The following GRM1 variants were observed in gnomAD, a reference collection of about 807,000 sequenced individuals.
GRM1 encodes glutamate metabotropic receptor 1, also known as metabotropic glutamate receptor 1.
A neutral mutation model predicts 90.9 loss-of-function variants in GRM1; 33 were observed. The observed-to-expected ratio is 0.36, with a 90% CI of 0.28 to 0.49. The LOEUF (loss-of-function observed/expected upper bound fraction) is 0.49. GRM1 is among the 20% of genes least tolerant of loss of function. The pLI is 0.99. For synonymous variants in GRM1, 700 were observed against 613.2 expected (o/e 1.14, Z -2.09); for missense variants, 1,190 against 1,534.3 (o/e 0.78, Z 3.75).
rs1177716678 is a variant in GRM1 at position 146,437,174 on chromosome 6, T to G, written c.*2378T>G. ...TCTCTTTATTAGTGAATCATGCTTA[T>G]TTTTTACTCTTAATGCCACTAATAT... On this transcript the variant is annotated 3_prime_UTR_variant, in exon 8 of 8. Coordinates refer to ENST00000282753, the MANE Select transcript of GRM1 (RefSeq NM_001278064.2). 1 of 152,196 alleles carries G rather than the reference T, an allele frequency of 6.6e-6. No individual in the cohort carries two copies. Among genetic ancestry groups the G allele is most frequent in the African/African-American group, 2.4e-5 (1 of 41,470 alleles). The allele number at this position is 152,196 out of a possible 1,614,324, so 9.4% of individuals were successfully genotyped here. A position where few individuals can be genotyped will look rare whatever the true frequency, so the allele number is the denominator to read the frequency against.
intron 7 of GRM1, chr6:146,426,657 C>A: frequency 8.1e-7 from 1 of 1,240,104 alleles, no homozygotes; most frequent in Non-Finnish European, 1.2e-6. Context: ...AGAGAAGCTG[C>A]ATGGAAAATC....
At chr6:146,297,484 A>T (rs912146609) in intron 2 of GRM1, among the ~76,000 whole-genome samples, 28 of 152,182 alleles carry the variant, frequency 1.8e-4, no homozygotes, top group South Asian at 1.5e-3. Context: ...ATTTTTTTTT[A>T]AATATTCTAC....
At chr6:146,325,803 A>G (rs572481414) in intron 3 of GRM1, among the ~76,000 whole-genome samples, 7 of 152,228 alleles carry the variant, frequency 4.6e-5, no homozygotes, top group African/African-American at 1.4e-4. Flanking sequence ...AGCTTTTATA[A>G]TTTTATCTTC....
At chr6:146,034,880 AAATAAC>A (rs1195827300) in intron 1 of GRM1, among the ~76,000 whole-genome samples, 6 of 152,150 alleles carry the variant, frequency 3.9e-5, no homozygotes, top group African/African-American at 1.2e-4. Context: ...TAAAAACTTT[AAATAAC>A]AATTTTGAAG....
At chr6:146,102,946 T>C (rs1025153445) in intron 1 of GRM1, among the ~76,000 whole-genome samples, 3 of 152,196 alleles carry the variant, frequency 2.0e-5, no homozygotes, top group Non-Finnish European at 4.4e-5. Context: ...TTCATTAAAG[T>C]TAATGGGTGA....
At chr6:146,232,914 C>T (rs9485061) in intron 2 of GRM1, among the ~76,000 whole-genome samples, 33,353 of 151,630 alleles carry the variant, frequency 0.22, 7,549 homozygotes, top group African/African-American at 0.58. Flanking sequence ...GAGTATAGAG[C>T]TGTTCATAGC....
intron 1 of GRM1, among the ~76,000 whole-genome samples, chr6:146,138,087 T>G (rs954364978): frequency 6.6e-6 from 1 of 152,206 alleles, no homozygotes; most frequent in Non-Finnish European, 1.5e-5. Context: ...AAATATAGGA[T>G]TGCATCATCT....
chr6:146,353,174 T>G (rs938718384), intron 4 of GRM1, among the ~76,000 whole-genome samples: 1 of 152,202 alleles, frequency 6.6e-6, no homozygotes, highest in South Asian at 2.1e-4. Context: ...ACCAGTTAGC[T>G]CAAGCATAAT....
intron 2 of GRM1, among the ~76,000 whole-genome samples, chr6:146,228,136 G>A (rs922552322): frequency 2.0e-5 from 3 of 152,090 alleles, no homozygotes; most frequent in Non-Finnish European, 4.4e-5. Flanking sequence ...TGTCCTTCTG[G>A]CATCACCTTC....
At chr6:146,093,120 T>G (rs1776765367) in intron 1 of GRM1, among the ~76,000 whole-genome samples, 1 of 152,104 alleles carries the variant, frequency 6.6e-6, no homozygotes, top group African/African-American at 2.4e-5. Context: ...CTAGAGCCCA[T>G]GTATATTGCT....
At chr6:146,294,478 A>G (rs1309102882) in intron 2 of GRM1, among the ~76,000 whole-genome samples, 2 of 152,072 alleles carry the variant, frequency 1.3e-5, no homozygotes, top group African/African-American at 4.8e-5. Flanking sequence ...TGAGACTTAC[A>G]TTATTAACTA....
At chr6:146,048,415 G>A (rs1457159300) in intron 1 of GRM1, among the ~76,000 whole-genome samples, 1 of 151,850 alleles carries the variant, frequency 6.6e-6, no homozygotes, top group Non-Finnish European at 1.5e-5. Context: ...ATTTTCCTTT[G>A]CGTTTTTGAG....
In GRM1 at chr6:146,175,211, C is replaced by T. The variant is rs532216680; in HGVS notation, c.950+15614C>T. On this transcript the variant is annotated intron_variant, in intron 2 of 7. Coordinates refer to ENST00000282753, the MANE Select transcript of GRM1 (RefSeq NM_001278064.2). Reference sequence around the variant, plus strand: ...GGTAGAAACAGACCCATAGTATTTGCATTTGGAAATCACTTTTTCTGATTA... The same window carrying T: ...GGTAGAAACAGACCCATAGTATTTGTATTTGGAAATCACTTTTTCTGATTA... Among the ~76,000 whole-genome samples, 4 of 152,284 alleles carry T rather than the reference C, an allele frequency of 2.6e-5. No homozygotes were observed. In the South Asian group the frequency reaches 8.3e-4, roughly 32 times the overall value.
intron 2 of GRM1, among the ~76,000 whole-genome samples, chr6:146,267,702 G>GCTCGGCTCGGCTCGT (rs1781965440): frequency 6.3e-4 from 54 of 86,106 alleles, no homozygotes; most frequent in Middle Eastern, 5.7e-3. Context: ...GCTCGGCTCG[G>GCTCGGCTCGGCTCGT]CTCGTCTCGT....
chr6:146,277,649 A>C (rs1782423996), intron 2 of GRM1, among the ~76,000 whole-genome samples: 1 of 152,162 alleles, frequency 6.6e-6, no homozygotes. Flanking sequence ...TTTCCCCTGG[A>C]CTTGACTTCT....
intron 2 of GRM1, among the ~76,000 whole-genome samples, chr6:146,257,139 T>C (rs1301484200): frequency 6.6e-6 from 1 of 152,176 alleles, no homozygotes; most frequent in Non-Finnish European, 1.5e-5. Context: ...CATTCTGATA[T>C]AATTAATTCG....
intron 5 of GRM1, among the ~76,000 whole-genome samples, chr6:146,380,423 C>T (rs2115121890): frequency 6.6e-6 from 1 of 151,792 alleles, no homozygotes; most frequent in South Asian, 2.1e-4. Flanking sequence ...ATAGTCACTG[C>T]CACCCCAGGC....
At position 146,200,007 on chromosome 6, in the gene GRM1, A is replaced by G. The variant is rs1024875386; in HGVS notation, c.950+40410A>G. On this transcript the variant is annotated intron_variant, in intron 2 of 7. Transcript: ENST00000282753. Reference sequence around the variant, plus strand: ...CTAGGGAAGAGTGTACTACATCAGCAAACTTTGAGGTTTCAGAGGGTCTGC... The same window carrying G: ...CTAGGGAAGAGTGTACTACATCAGCGAACTTTGAGGTTTCAGAGGGTCTGC... 2.6e-5 allele frequency among the ~76,000 whole-genome samples: 4 copies of G among 152,280 alleles called. 1 individual carries two copies. In the East Asian group the frequency reaches 7.7e-4, roughly 29 times the overall value.
At chr6:146,310,712 A>T (rs915856035) in intron 3 of GRM1, among the ~76,000 whole-genome samples, 8 of 152,318 alleles carry the variant, frequency 5.3e-5, no homozygotes, top group Admixed American at 5.2e-4. Flanking sequence ...TACCTTAGCC[A>T]TATGAATAAG....
Sources: gnomAD v4.1 joint callset for allele counts (sites outside exome capture counted in the v4.1 genomes callset) on GRCh38, gnomAD v4.1.1 for gene constraint, MANE v1.5 for transcripts, NCBI Gene and HGNC (gene_info 2026-07-23, HGNC 2026-07-21) for gene names.